PLCB4: variants seen among roughly 807,000 people sequenced by gnomAD.
PLCB4 encodes the protein 1-phosphatidylinositol 4,5-bisphosphate phosphodiesterase beta-4.
A neutral mutation model predicts 178.8 loss-of-function variants in PLCB4; 77 were observed. The ratio of observed to expected loss-of-function variants is 0.43; its 90% confidence interval spans 0.36 to 0.52. The LOEUF (loss-of-function observed/expected upper bound fraction) is 0.52, where lower values mean the gene tolerates loss of function less well. PLCB4 is among the 20% of genes least tolerant of loss of function. PLCB4 has a pLI of 0.00. For synonymous variants in PLCB4, 496 were observed against 490.8 expected (o/e 1.01, Z -0.14); for missense variants, 1,024 against 1,453.4 (o/e 0.70, Z 4.80).
intron 4 of PLCB4, among the ~76,000 whole-genome samples, chr20:9,329,414 A>G (rs139674717): frequency 3.9e-5 from 6 of 152,340 alleles, no homozygotes; most frequent in South Asian, 2.1e-4. Flanking sequence ...TTGGGAGGAT[A>G]ATAAGTTAAT....
rs1176385384 is a variant in PLCB4, at chr20:9,408,154, G to C, written c.1789+96G>C. 6 of 903,186 alleles carry C rather than the reference G, an allele frequency of 6.6e-6. No homozygotes were observed. In the African/African-American group the frequency reaches 9.2e-5, roughly 14 times the overall value. 55.9% of individuals were successfully genotyped at this position (903,186 alleles called of 1,614,324 possible). ...CTAATTTGTTGCCATTTTTCTTTGTGGGCATGGGGGCTGTTCCACCTCACC... is the reference window on the plus strand; with the variant it reads ...CTAATTTGTTGCCATTTTTCTTTGTCGGCATGGGGGCTGTTCCACCTCACC... On this transcript the variant is annotated intron_variant, in intron 22 of 39. Coordinates refer to ENST00000378473, the MANE Select transcript of PLCB4 (RefSeq NM_001377142.1).
rs1600336004 is a variant in PLCB4 at position 9,091,650 on chromosome 20, C to T, written c.-134-4637C>T. 6.0e-5 allele frequency among the ~76,000 whole-genome samples: 9 copies of T among 150,372 alleles called. 1 individual carries two copies. The highest frequency in any genetic ancestry group is 2.0e-4 in the East Asian group (1 of 5,112). On this transcript the variant is annotated intron_variant, in intron 1 of 39. Coordinates refer to ENST00000378473, the MANE Select transcript of PLCB4 (RefSeq NM_001377142.1). ...GAGAGACTAGTGCCTAACTGGGGAG[C>T]GGTGAAGACTGCATGAAATACTAGA...
chr20:9,236,601 G>A (rs962244424), intron 3 of PLCB4, among the ~76,000 whole-genome samples: 1 of 152,178 alleles, frequency 6.6e-6, no homozygotes, highest in South Asian at 2.1e-4. Flanking sequence ...AACAGATGCT[G>A]ATTTTTAAGT....
At position 9,133,274 on chromosome 20, in the gene PLCB4, T is replaced by G. The variant is rs190629038; in HGVS notation, c.-79+36932T>G. ...TCACACTGAGTTGCAATTACTTTTT[T>G]TTGTTGTTGTTGAGATGGTCTCTCG... is the stretch of plus-strand genomic sequence containing the variant. On this transcript the variant is annotated intron_variant, in intron 2 of 39. Coordinates refer to ENST00000378473, the MANE Select transcript of PLCB4 (RefSeq NM_001377142.1). 2.5e-3 allele frequency among the ~76,000 whole-genome samples: 380 copies of G among 152,260 alleles called. 2 individuals carry two copies. Among genetic ancestry groups the G allele is most frequent in the African/African-American group, 8.7e-3 (360 of 41,564 alleles).
chr20:9,354,370 C>T (rs567228177), intron 7 of PLCB4, among the ~76,000 whole-genome samples: 7 of 152,320 alleles, frequency 4.6e-5, no homozygotes, highest in Admixed American at 3.3e-4. Context: ...CAAGCCTACC[C>T]TCCAGTGGCC....
chr20:9,183,194 C>T (rs774873258), intron 2 of PLCB4, among the ~76,000 whole-genome samples: 2 of 152,112 alleles, frequency 1.3e-5, no homozygotes, highest in Admixed American at 6.5e-5. Flanking sequence ...CTGGGGCTCA[C>T]CTATCTCGTG....
chr20:9,098,765 A>G (rs8117348), intron 2 of PLCB4, among the ~76,000 whole-genome samples: 39,105 of 90,066 alleles, frequency 0.43, 7,557 homozygotes, highest in East Asian at 0.72. Context: ...GTGTGTGTGT[A>G]TATATATATG....
intron 3 of PLCB4, among the ~76,000 whole-genome samples, chr20:9,301,076 A>G (rs2094697011): frequency 2.7e-5 from 4 of 150,902 alleles, no homozygotes; most frequent in Admixed American, 2.0e-4. Flanking sequence ...CCGTAGTCGC[A>G]TTTCCTCCTC....
At chr20:9,215,741 C>A (rs2093723452) in intron 2 of PLCB4, among the ~76,000 whole-genome samples, 1 of 152,158 alleles carries the variant, frequency 6.6e-6, no homozygotes, top group African/African-American at 2.4e-5. Flanking sequence ...TAGTACTGGT[C>A]CCCTAGAGGG....
At chr20:9,178,302 T>C (rs1352983100) in intron 2 of PLCB4, among the ~76,000 whole-genome samples, 1 of 152,094 alleles carries the variant, frequency 6.6e-6, no homozygotes, top group Non-Finnish European at 1.5e-5. Context: ...GCCTGGGCAA[T>C]AGGAGTGAGA....
At chr20:9,391,807 T>A (rs2038168533) in intron 17 of PLCB4, among the ~76,000 whole-genome samples, 1 of 152,190 alleles carries the variant, frequency 6.6e-6, no homozygotes, top group South Asian at 2.1e-4. Context: ...CCCTATCCCA[T>A]GCTTCATCCC....
intron 3 of PLCB4, among the ~76,000 whole-genome samples, chr20:9,262,038 T>G (rs2094302550): frequency 6.6e-6 from 1 of 152,162 alleles, no homozygotes; most frequent in Non-Finnish European, 1.5e-5. Flanking sequence ...GATCCAAGTC[T>G]AATACATGTC....
At chr20:9,338,862 A>T (rs2032832875) in intron 6 of PLCB4, 32 bp from the exon 7 acceptor site, 1 of 1,547,654 alleles carries the variant, frequency 6.5e-7, no homozygotes, top group East Asian at 2.3e-5. Context: ...GATGTAACTT[A>T]TTTTTTTTTC....
chr20:9,324,078 G>A (rs192332863), intron 4 of PLCB4, among the ~76,000 whole-genome samples: 1 of 152,068 alleles, frequency 6.6e-6, no homozygotes, highest in East Asian at 1.9e-4. Flanking sequence ...GGGAGGCTGA[G>A]GCAGGAGAAT....
chr20:9,477,241 C>T (rs1272592332), intron 39 of PLCB4, among the ~76,000 whole-genome samples: 13 of 152,174 alleles, frequency 8.5e-5, no homozygotes, highest in Non-Finnish European at 2.9e-5. Flanking sequence ...GCCAAAGACC[C>T]TAATCACTCC....
intron 2 of PLCB4, among the ~76,000 whole-genome samples, chr20:9,164,523 G>A (rs920147849): frequency 1.3e-5 from 2 of 151,996 alleles, no homozygotes. Context: ...TGATTCTGTT[G>A]ACTGATTAGA....
chr20:9,296,612 T>C (rs2094638492), intron 3 of PLCB4, among the ~76,000 whole-genome samples: 1 of 152,134 alleles, frequency 6.6e-6, no homozygotes, highest in Non-Finnish European at 1.5e-5. Flanking sequence ...CCAACCCAAA[T>C]GTCCAACAAT....
chr20:9,094,167 C>A (rs1401770495), intron 1 of PLCB4, among the ~76,000 whole-genome samples: 1 of 152,026 alleles, frequency 6.6e-6, no homozygotes, highest in African/African-American at 2.4e-5. Context: ...TATTTAACTA[C>A]CTACAATTTC....
Position 9,449,602 on chromosome 20 carries a change from A to T in PLCB4, c.2881-3745A>T, listed in dbSNP as rs1031020659. On this transcript the variant is annotated intron_variant, in intron 32 of 39. Transcript: ENST00000378473. ...ACCTCTTTTTGAAACTGCGTAGGAA[A>T]AAACAAAACAAAATCCAAAACTAAA... is the stretch of plus-strand genomic sequence containing the variant. Among the ~76,000 whole-genome samples the T allele has an allele frequency of 5.9e-5, 9 of 152,348 alleles. No individual in the cohort carries two copies. In the South Asian group the frequency reaches 1.9e-3, roughly 32 times the overall value.
Sources: allele counts gnomAD v4.1 joint callset (sites outside exome capture counted in the v4.1 genomes callset), GRCh38; gene constraint gnomAD v4.1.1; transcripts MANE v1.5; gene names NCBI Gene and HGNC (gene_info 2026-07-23, HGNC 2026-07-21).